CUBN: variants seen among roughly 807,000 people sequenced by gnomAD.
CUBN encodes 460 kDa receptor.
CUBN carries 282 observed loss-of-function variants against 405.3 expected under a neutral mutation model. The ratio of observed to expected loss-of-function variants is 0.70; its 90% CI spans 0.63 to 0.77. CUBN has a LOEUF of 0.77. Among genes scored for constraint, CUBN ranks in the 30% least tolerant of loss-of-function variants. The pLI, the probability that CUBN is intolerant of heterozygous loss-of-function variation, is 0.00. For synonymous variants in CUBN, 1,684 were observed against 1,617.0 expected (o/e 1.04, Z -0.99); for missense variants, 4,514 against 4,475.2 (o/e 1.01, Z -0.25).
At position 16,952,341 on chromosome 10, in the gene CUBN, G is replaced by C. The variant is rs1301102404; in HGVS notation, c.4904C>G (p.Pro1635Arg). Residue 1635 changes from proline (P) to arginine (R), a missense_variant, in exon 33 of 67, where the codon CCA becomes CGA. By Grantham distance (103) the Pro-to-Arg change is moderately radical. This residue lies in a region of CUBN where 1,613 missense variants were observed against 1,542.8 expected (regional missense o/e 1.05). Transcript: ENST00000377833. Reference sequence around the variant, plus strand: ...GTTTGGATAATTGGCAGGGAACCGTGGAGAGGAAACAGTATCAAATGAGCT... The same window carrying C: ...GTTTGGATAATTGGCAGGGAACCGTCGAGAGGAAACAGTATCAAATGAGCT... ...LTSSFDTVSS[P>R]RFPANYPNNQ... 1.2e-6 allele frequency: 2 copies of C among 1,613,866 alleles called. No individual in the cohort carries two copies.
At chr10:16,964,391 A>C (rs1843328242) in intron 31 of CUBN, among the ~76,000 whole-genome samples, 1 of 152,180 alleles carries the variant, frequency 6.6e-6, no homozygotes, top group Non-Finnish European at 1.5e-5. Flanking sequence ...ATTTCAAATA[A>C]TATGAAGTGA....
At chr10:16,973,971 T>C (rs1023741793) in intron 31 of CUBN, among the ~76,000 whole-genome samples, 37 of 152,300 alleles carry the variant, frequency 2.4e-4, no homozygotes, top group African/African-American at 8.4e-4. Flanking sequence ...TGTCTGACTC[T>C]GACTTCTAAG....
At position 17,100,200 on chromosome 10, in the gene CUBN, T is replaced by C. The variant is rs1836465305; in HGVS notation, c.1570A>G (p.Met524Val). 1 of 1,613,968 alleles carries C rather than the reference T, an allele frequency of 6.2e-7. No homozygotes were observed. The highest frequency in any genetic ancestry group is 8.5e-7 in the Non-Finnish European group (1 of 1,179,870). ...AGAAACTCGTGTGGACAGTTGTCCATGGATTCTAACCGGAAAAAAGTGAAA... is the reference window on the plus strand; with the variant it reads ...AGAAACTCGTGTGGACAGTTGTCCACGGATTCTAACCGGAAAAAAGTGAAA... ...ITFTFFRLES[M>V]DNCPHEFLQV... is the part of the protein sequence containing the mutation. The change falls in exon 14 of 67, where the codon ATG becomes GTG. Residue 524 changes from methionine to valine, a missense_variant. Transcript: ENST00000377833.
At chr10:16,869,997 A>G (rs1840304689) in intron 58 of CUBN, 144 bp from the exon 59 acceptor site, 3 of 706,036 alleles carry the variant, frequency 4.2e-6, no homozygotes, top group Non-Finnish European at 7.7e-6. Context: ...TAGAAATCAA[A>G]CAGTACTTTA....
chr10:17,085,653 T>A lies in CUBN; in HGVS notation c.2054A>T (p.His685Leu). The change falls in exon 16 of 67, where the codon CAT becomes CTT. Residue 685 changes from histidine to leucine, a missense_variant. By Grantham distance (99) the His-to-Leu change is moderately conservative. Coordinates refer to ENST00000377833, the MANE Select transcript of CUBN (RefSeq NM_001081.4). ...TTGGTCACTAATCTGGGAGTCTGAA[T>A]GGAAGTGAATTCTGGCAAAGGGGCC... is the stretch of plus-strand genomic sequence containing the variant. ...TTGPFARIHFHSDSQISDQGF... is the reference protein window; with the variant it reads ...TTGPFARIHFLSDSQISDQGF... The A allele has an allele frequency of 6.2e-7, 1 of 1,614,114 alleles. No homozygotes were observed.
chr10:17,058,076 C>G (rs996130958), intron 22 of CUBN, among the ~76,000 whole-genome samples: 4 of 151,840 alleles, frequency 2.6e-5, no homozygotes, highest in Admixed American at 6.6e-5. Context: ...GAGCTGAGAT[C>G]GCGCCACTGC....
At chr10:17,047,682 A>G in intron 22 of CUBN, 79 bp from the exon 23 acceptor site, 1 of 1,313,556 alleles carries the variant, frequency 7.6e-7, no homozygotes, top group Non-Finnish European at 1.1e-6. Context: ...TATGTATTTC[A>G]TTAATTTGTG....
intron 51 of CUBN, 29 bp from the exon 52 acceptor site, chr10:16,901,488 A>G (rs779492440): frequency 6.2e-7 from 1 of 1,613,712 alleles, no homozygotes; most frequent in African/African-American, 1.3e-5. Flanking sequence ...CCCTCTCAAT[A>G]AAACAGAAGT....
chr10:17,010,016 C>T (rs918200368), intron 28 of CUBN, among the ~76,000 whole-genome samples: 3 of 152,210 alleles, frequency 2.0e-5, no homozygotes, highest in African/African-American at 7.2e-5. Context: ...TCAGAGCGGT[C>T]CATAGAGCAG....
intron 5 of CUBN, 56 bp from the exon 6 acceptor site, chr10:17,122,954 C>T (rs1837080458): frequency 4.3e-6 from 5 of 1,164,412 alleles, no homozygotes; most frequent in Admixed American, 1.7e-5. Flanking sequence ...GTATCTGGAG[C>T]GAACATTCAC....
intron 56 of CUBN, among the ~76,000 whole-genome samples, chr10:16,887,129 C>T (rs773883150): frequency 5.9e-5 from 9 of 152,274 alleles, no homozygotes; most frequent in Middle Eastern, 3.4e-3. Context: ...CAATATTTGT[C>T]GAACACCTAT....
chr10:17,041,239 G>T lies in CUBN; in HGVS notation c.3830-19C>A, dbSNP rs1286566886. 4 of 1,600,188 alleles carry T rather than the reference G, an allele frequency of 2.5e-6. No individual in the cohort carries two copies. The highest frequency in any genetic ancestry group is 2.2e-5 in the East Asian group (1 of 44,764). ...TCACATGCTGGAAAAAGAAATGACT[G>T]TTAAGAACCACTATTATATACTTCA... On this transcript the variant is annotated intron_variant, in intron 26 of 66. Coordinates refer to ENST00000377833, the MANE Select transcript of CUBN (RefSeq NM_001081.4).
At chr10:16,868,838 T>C (rs1479043413) in intron 59 of CUBN, among the ~76,000 whole-genome samples, 2 of 152,162 alleles carry the variant, frequency 1.3e-5, no homozygotes, top group Non-Finnish European at 2.9e-5. Context: ...CAGCTCCATT[T>C]AAACAGGTCT....
intron 31 of CUBN, among the ~76,000 whole-genome samples, chr10:16,962,453 TG>T (rs376999239): frequency 1.2e-3 from 183 of 146,458 alleles, no homozygotes; most frequent in African/African-American, 4.3e-3. Context: ...ATTGTAGGGG[TG>T]GGGGGTGGTA....
chr10:17,012,506 T>C (rs928667658), intron 28 of CUBN, among the ~76,000 whole-genome samples: 5 of 152,242 alleles, frequency 3.3e-5, no homozygotes, highest in African/African-American at 1.2e-4. Context: ...TTGTAGTTAC[T>C]ATCCTTACTG....
rs1470850031 is a variant in CUBN at position 16,920,142 on chromosome 10, G to A, written c.6647-5C>T. 2 of 1,613,818 alleles carry A rather than the reference G, an allele frequency of 1.2e-6. No homozygotes were observed. Among genetic ancestry groups the A allele is most frequent in the East Asian group, 2.2e-5 (1 of 44,874 alleles). ...TGTAGACGTTGCCCCCACAGGCTGT[G>A]AGCAAACACACTTAAATCAGTCTAT... On this transcript the variant is annotated splice_polypyrimidine_tract_variant and splice_region_variant and intron_variant, in intron 43 of 66. Transcript: ENST00000377833.
At position 16,956,341 on chromosome 10, in the gene CUBN, A is replaced by ATC. The variant is rs1361429555; in HGVS notation, c.4696-1795_4696-1794dup. ...TCAAAATTTAAATATATATATATAT[A>ATC]TCTCCAATAAATGAAACCTGATGAC... On this transcript the variant is annotated intron_variant, in intron 31 of 66. Transcript: ENST00000377833. Among the ~76,000 whole-genome samples, 367 of 151,754 alleles carry ATC rather than the reference A, an allele frequency of 2.4e-3. 1 individual carries two copies. Among genetic ancestry groups the ATC allele is most frequent in the African/African-American group, 8.6e-3 (357 of 41,384 alleles).
chr10:16,971,201 T>C (rs1832922288), intron 31 of CUBN, among the ~76,000 whole-genome samples: 1 of 152,210 alleles, frequency 6.6e-6, no homozygotes, highest in Admixed American at 6.5e-5. Flanking sequence ...GACCAGGACA[T>C]TAACTTGAAT....
At chr10:17,114,888 T>C (rs1836853256) in intron 7 of CUBN, among the ~76,000 whole-genome samples, 1 of 152,104 alleles carries the variant, frequency 6.6e-6, no homozygotes, top group South Asian at 2.1e-4. Context: ...ACTGTTAAAA[T>C]AAAACTTACA....
Sources: gnomAD v4.1 joint callset for allele counts (sites outside exome capture counted in the v4.1 genomes callset) on GRCh38, gnomAD v4.1.1 for gene constraint, gnomAD v4.1.1 regional missense constraint, MANE v1.5 for transcripts, NCBI Gene and HGNC (gene_info 2026-07-23, HGNC 2026-07-21) for gene names.